The following GATAD2A variants were observed in gnomAD, a reference collection of about 807,000 sequenced individuals.
The protein encoded by GATAD2A is transcriptional repressor p66-alpha.
A neutral mutation model predicts 68.5 loss-of-function variants in GATAD2A; 12 were observed. That is an observed-to-expected ratio of 0.18 (90% confidence interval 0.11 to 0.28). The LOEUF is 0.28. Ranked by LOEUF, GATAD2A falls within the 10% of genes least tolerant of loss-of-function variation. The pLI, the probability that GATAD2A is intolerant of heterozygous loss-of-function variation, is 1.00. For missense variants in GATAD2A, 755 were observed against 868.5 expected (o/e 0.87, Z 1.64); for synonymous variants, 410 against 375.3 (o/e 1.09, Z -1.07).
intron 1 of GATAD2A, among the ~76,000 whole-genome samples, chr19:19,454,993 G>T (rs1306429852): frequency 1.3e-5 from 2 of 152,194 alleles, no homozygotes; most frequent in Admixed American, 6.5e-5. Context: ...GCCCATTCAG[G>T]TATGTACAGT....
intron 1 of GATAD2A, among the ~76,000 whole-genome samples, chr19:19,387,676 G>T (rs2048541714): frequency 6.6e-6 from 1 of 152,088 alleles, no homozygotes. Flanking sequence ...TCTTTGAAAT[G>T]CCCATCTGAC....
intron 2 of GATAD2A, among the ~76,000 whole-genome samples, chr19:19,489,595 G>A (rs1160121611): frequency 2.0e-5 from 3 of 152,232 alleles, no homozygotes; most frequent in Non-Finnish European, 2.9e-5. Context: ...AGCGCTGTGG[G>A]CAGAGCAGCC....
In GATAD2A at chr19:19,492,393, G is replaced by A. The variant is rs149733635; in HGVS notation, c.357G>A (p.Gly119=). 29 of 1,613,810 alleles carry A rather than the reference G, an allele frequency of 1.8e-5. No homozygotes were observed. The highest frequency in any genetic ancestry group is 2.4e-5 in the Non-Finnish European group (28 of 1,179,838). Residue 119 remains glycine (G), a synonymous_variant, in exon 3 of 12, where the codon GGG becomes GGA. Coordinates refer to ENST00000683918, the MANE Select transcript of GATAD2A (RefSeq NM_001384528.1). ...NEQPSSPRVN[G]LTTVALKETS... is the part of the protein sequence containing the mutation. ...AGCCCTCGAGCCCGAGAGTGAATGG[G>A]CTGACCACGGTGGCCTTGAAGGAGA...
chr19:19,473,775 A>T (rs1001824685), intron 2 of GATAD2A, among the ~76,000 whole-genome samples: 2 of 83,216 alleles, frequency 2.4e-5, no homozygotes, highest in Admixed American at 1.3e-4. Flanking sequence ...GTCTCTACTT[A>T]AAAAAAAAAA....
intron 1 of GATAD2A, among the ~76,000 whole-genome samples, chr19:19,458,188 G>A (rs969091908): frequency 1.3e-5 from 2 of 152,212 alleles, no homozygotes; most frequent in African/African-American, 4.8e-5. Context: ...CTCCTTTTGA[G>A]AAAGCCTGTA....
intron 1 of GATAD2A, among the ~76,000 whole-genome samples, chr19:19,387,094 C>CT (rs1568685301): frequency 1.3e-5 from 2 of 152,096 alleles, no homozygotes; most frequent in Non-Finnish European, 1.5e-5. Context: ...CCTGGCCTCT[C>CT]TAAGACCCTA....
intron 1 of GATAD2A, among the ~76,000 whole-genome samples, chr19:19,411,343 G>T (rs978644519): frequency 3.3e-5 from 5 of 152,194 alleles, no homozygotes; most frequent in African/African-American, 1.2e-4. Flanking sequence ...CCTCTTTCCT[G>T]GCCCAGGGCT....
rs757378158 is a variant in GATAD2A, at chr19:19,436,178, A to G, written c.-6-29162A>G. 10 of 1,366,354 alleles carry G rather than the reference A, an allele frequency of 7.3e-6. No homozygotes were observed. The East Asian group carries it at 1.4e-4, about 19-fold the overall frequency. The allele number at this position is 1,366,354 out of a possible 1,614,324, so 84.6% of individuals were successfully genotyped here. On this transcript the variant is annotated intron_variant, in intron 1 of 11. Coordinates refer to ENST00000683918, the MANE Select transcript of GATAD2A (RefSeq NM_001384528.1). ...GTAGCCTTTTGATGTCACTGTGGCC[A>G]TGGCCAACTGGTAGGACCAGCACCC...
Position 19,390,226 on chromosome 19 carries a change from G to A in GATAD2A, c.-7+4088G>A, listed in dbSNP as rs190457777. On this transcript the variant is annotated intron_variant, in intron 1 of 11. Transcript: ENST00000360315. ...AAAATTGGCATGTTATTAAATATTC[G>A]AGGGAACACATTGCTGTGAATGTGT... 2.1e-3 allele frequency among the ~76,000 whole-genome samples: 327 copies of A among 152,194 alleles called. 2 individuals carry two copies. Among genetic ancestry groups the A allele is most frequent in the South Asian group, 0.017 (81 of 4,818 alleles).
chr19:19,405,124 G>GA (rs2050068825), upstream of GATAD2A, among the ~76,000 whole-genome samples: 1 of 152,144 alleles, frequency 6.6e-6, no homozygotes. Context: ...GGTAACTGGA[G>GA]AGGGAGAGCA....
intron 1 of GATAD2A, chr19:19,436,144 T>C: frequency 7.3e-7 from 1 of 1,365,570 alleles, no homozygotes; most frequent in Non-Finnish European, 9.8e-7. Flanking sequence ...GGTCAGCACA[T>C]TGTCTCAAGT....
chr19:19,406,245 C>G (rs1363132939), intron 1 of GATAD2A, among the ~76,000 whole-genome samples: 2 of 151,294 alleles, frequency 1.3e-5, no homozygotes, highest in Non-Finnish European at 3.0e-5. Context: ...ACGTGGGGGC[C>G]GGGCGGGGGT....
At chr19:19,444,305 G>A (rs1031923158) in intron 1 of GATAD2A, among the ~76,000 whole-genome samples, 4 of 152,054 alleles carry the variant, frequency 2.6e-5, no homozygotes, top group Admixed American at 6.5e-5. Flanking sequence ...GACTTGTTTC[G>A]TGAACAGTAG....
chr19:19,492,370 C>T lies in GATAD2A; in HGVS notation c.334C>T (p.Pro112Ser). Residue 112 changes from proline to serine, a missense_variant, in exon 3 of 12, where the codon CCC (proline) becomes TCC (serine). By Grantham distance (74) the Pro-to-Ser change is moderately conservative. Coordinates refer to ENST00000683918, the MANE Select transcript of GATAD2A (RefSeq NM_001384528.1). ...DVIVLSDNEQ[P>S]SSPRVNGLTT... ...GATTGTGCTCTCCGACAACGAGCAGCCCTCGAGCCCGAGAGTGAATGGGCT... is the reference window on the plus strand; with the variant it reads ...GATTGTGCTCTCCGACAACGAGCAGTCCTCGAGCCCGAGAGTGAATGGGCT... 6.2e-7 allele frequency: 1 copy of T among 1,612,914 alleles called. No individual in the cohort carries two copies. Among genetic ancestry groups the T allele is most frequent in the African/African-American group, 1.3e-5 (1 of 75,056 alleles).
chr19:19,446,176 A>T (rs1192646166), intron 1 of GATAD2A, among the ~76,000 whole-genome samples: 1 of 152,160 alleles, frequency 6.6e-6, no homozygotes, highest in Non-Finnish European at 1.5e-5. Context: ...CAATTTCTCT[A>T]CATCCTTACC....
At position 19,506,787 on chromosome 19, in the gene GATAD2A, G is replaced by C. The variant is rs939792294; in HGVS notation, c.*1313G>C. 1 of 152,264 alleles carries C rather than the reference G, an allele frequency of 6.6e-6. No homozygotes were observed. Among genetic ancestry groups the C allele is most frequent in the African/African-American group, 2.4e-5 (1 of 41,472 alleles). The allele number at this position is 152,264 out of a possible 1,614,324, so 9.4% of individuals were successfully genotyped here. Reference sequence around the variant, plus strand: ...TGCAGGCTGGGCCGGCTTCATGCCAGTGCGAGGGCGTCCCGTGCCCACGTA... The same window carrying C: ...TGCAGGCTGGGCCGGCTTCATGCCACTGCGAGGGCGTCCCGTGCCCACGTA... On this transcript the variant is annotated 3_prime_UTR_variant, in exon 12 of 12. Transcript: ENST00000683918.
At position 19,437,147 on chromosome 19, in the gene GATAD2A, T is replaced by G. The variant is rs570525368; in HGVS notation, c.-6-28193T>G. Among the ~76,000 whole-genome samples the G allele has an allele frequency of 1.2e-4, 18 of 152,344 alleles. No individual in the cohort carries two copies. In the South Asian group the frequency reaches 3.7e-3, roughly 32 times the overall value. ...ACTTATATTTTTATTTTTTATGTTT[T>G]GAGACAGGGTCTCACTCTGTCACCC... On this transcript the variant is annotated intron_variant, in intron 1 of 11. Transcript: ENST00000683918.
At chr19:19,390,639 A>G (rs1370932822) in intron 1 of GATAD2A, among the ~76,000 whole-genome samples, 3 of 152,160 alleles carry the variant, frequency 2.0e-5, no homozygotes, top group African/African-American at 7.2e-5. Context: ...AGGGAGATGT[A>G]TTACTCTAAT....
At position 19,456,939 on chromosome 19, in the gene GATAD2A, G is replaced by A. The variant is rs752691529; in HGVS notation, c.-6-8401G>A. Reference sequence around the variant, plus strand: ...CCTTACAGGTGGTTGTGGGGTAGATGCTCAATCAGTGTTGGGTGTTTTGCA... The same window carrying A: ...CCTTACAGGTGGTTGTGGGGTAGATACTCAATCAGTGTTGGGTGTTTTGCA... On this transcript the variant is annotated intron_variant, in intron 1 of 11. Coordinates refer to ENST00000683918, the MANE Select transcript of GATAD2A (RefSeq NM_001384528.1). Among the ~76,000 whole-genome samples, 92 of 152,200 alleles carry A rather than the reference G, an allele frequency of 6.0e-4. 2 individuals carry two copies. The highest frequency in any genetic ancestry group is 5.9e-4 in the Admixed American group (9 of 15,288).
Sources: allele counts gnomAD v4.1 joint callset (sites outside exome capture counted in the v4.1 genomes callset), GRCh38; gene constraint gnomAD v4.1.1; transcripts MANE v1.5; gene names NCBI Gene and HGNC (gene_info 2026-07-23, HGNC 2026-07-21).